Variants in KCNQ3 observed in about 807,000 individuals in gnomAD.
KCNQ3 encodes the protein potassium voltage-gated channel subfamily KQT member 3.
Under a neutral mutation model 92.5 loss-of-function variants are expected in KCNQ3, and 30 were observed. That is an observed-to-expected ratio of 0.32 (90% CI 0.24 to 0.44). The LOEUF is 0.44. Ranked by LOEUF, KCNQ3 falls within the 20% of genes least tolerant of loss-of-function variation. KCNQ3 has a pLI of 1.00. For missense variants in KCNQ3, 913 were observed against 1,140.3 expected (o/e 0.80, Z 2.87); for synonymous variants, 450 against 468.8 (o/e 0.96, Z 0.52).
intron 1 of KCNQ3, among the ~76,000 whole-genome samples, chr8:132,400,453 C>A (rs2673602): frequency 6.6e-6 from 1 of 152,058 alleles, no homozygotes; most frequent in African/African-American, 2.4e-5. Context: ...CTCAACAGCA[C>A]GGCTGTGAGT....
In KCNQ3 at chr8:132,480,760, C is replaced by A. The variant is rs1822544646; in HGVS notation, c.-228G>T. On this transcript the variant is annotated 5_prime_UTR_variant, in exon 1 of 15. Transcript: ENST00000388996. ...GGGGGTCACATCCCGCGCGGGTCAG[C>A]CGCAGGACCCCGAGGGTCGCGGGCC... 8.8e-6 allele frequency: 2 copies of A among 226,866 alleles called. No individual in the cohort carries two copies. Among genetic ancestry groups the A allele is most frequent in the African/African-American group, 2.4e-5 (1 of 42,348 alleles). The allele number at this position is 226,866 out of a possible 1,614,324, so 14.1% of individuals were successfully genotyped here. A position where few individuals can be genotyped will look rare whatever the true frequency, so the allele number is the denominator to read the frequency against.
intron 1 of KCNQ3, among the ~76,000 whole-genome samples, chr8:132,218,290 A>G (rs1168717989): frequency 6.6e-6 from 1 of 152,218 alleles, no homozygotes; most frequent in East Asian, 1.9e-4. Flanking sequence ...AGCCCACAGG[A>G]TGGATGGCGC....
intron 9 of KCNQ3, among the ~76,000 whole-genome samples, chr8:132,142,059 G>T (rs1825315073): frequency 6.6e-6 from 1 of 152,096 alleles, no homozygotes; most frequent in African/African-American, 2.4e-5. Context: ...TATTCAATCT[G>T]CCACCAGGTT....
intron 10 of KCNQ3, 36 bp from the exon 11 acceptor site, chr8:132,140,214 A>T (rs1162564937): frequency 1.3e-6 from 2 of 1,530,778 alleles, no homozygotes; most frequent in Non-Finnish European, 1.8e-6. Context: ...GGCAGGCCAC[A>T]GACCTGGAAA....
chr8:132,433,036 TATC>T (rs1199308766), intron 1 of KCNQ3, among the ~76,000 whole-genome samples: 2 of 152,208 alleles, frequency 1.3e-5, no homozygotes, highest in African/African-American at 2.4e-5. Context: ...CATTCTGAGT[TATC>T]ATAATTATTG....
At chr8:132,264,568 A>G (rs966619217) in intron 1 of KCNQ3, among the ~76,000 whole-genome samples, 1 of 152,226 alleles carries the variant, frequency 6.6e-6, no homozygotes, top group Admixed American at 6.5e-5. Flanking sequence ...CTTGAAATCC[A>G]TATCAGAATC....
intron 9 of KCNQ3, among the ~76,000 whole-genome samples, chr8:132,159,438 C>T (rs1417760183): frequency 1.3e-5 from 2 of 152,180 alleles, no homozygotes; most frequent in African/African-American, 2.4e-5. Flanking sequence ...TGGTCCAGAG[C>T]TTAGACAGTA....
At chr8:132,414,603 G>C (rs1820744625) in intron 1 of KCNQ3, among the ~76,000 whole-genome samples, 1 of 152,212 alleles carries the variant, frequency 6.6e-6, no homozygotes, top group Non-Finnish European at 1.5e-5. Context: ...GGGGAGGAAG[G>C]GGAATGAGGG....
chr8:132,297,724 T>C (rs1396729673), intron 1 of KCNQ3, among the ~76,000 whole-genome samples: 2 of 34,504 alleles, frequency 5.8e-5, no homozygotes, highest in East Asian at 8.8e-3. Flanking sequence ...AAGTCCACTG[T>C]GGATCTGAGC....
intron 2 of KCNQ3, 118 bp from the exon 3 acceptor site, chr8:132,184,485 TTGGCAGGGA>T: frequency 1.7e-6 from 2 of 1,179,800 alleles, no homozygotes; most frequent in East Asian, 2.6e-5. Flanking sequence ...GGTTGTCTGG[TTGGCAGGGA>T]TGGCTGGGGA....
chr8:132,231,785 T>A (rs1234241921), intron 1 of KCNQ3, among the ~76,000 whole-genome samples: 2 of 152,242 alleles, frequency 1.3e-5, no homozygotes, highest in Non-Finnish European at 2.9e-5. Flanking sequence ...CTAAGCCACA[T>A]TCATGCTTTG....
intron 9 of KCNQ3, among the ~76,000 whole-genome samples, chr8:132,156,602 A>G (rs1021590621): frequency 3.3e-5 from 5 of 152,070 alleles, no homozygotes; most frequent in Admixed American, 1.3e-4. Context: ...TACAATCTAA[A>G]TCTTTCATAA....
chr8:132,204,603 T>C (rs552640774), intron 1 of KCNQ3, among the ~76,000 whole-genome samples: 1 of 152,164 alleles, frequency 6.6e-6, no homozygotes, highest in East Asian at 1.9e-4. Context: ...CCACCCTTCA[T>C]ACACACAGAG....
At chr8:132,332,663 A>G (rs1372543846) in intron 1 of KCNQ3, among the ~76,000 whole-genome samples, 1 of 152,170 alleles carries the variant, frequency 6.6e-6, no homozygotes, top group Non-Finnish European at 1.5e-5. Context: ...CAATATCCCA[A>G]TTATGTTCCC....
chr8:132,304,986 A>C (rs888787016), intron 1 of KCNQ3, among the ~76,000 whole-genome samples: 14 of 152,134 alleles, frequency 9.2e-5, no homozygotes, highest in African/African-American at 3.4e-4. Context: ...AGGCAGGCCA[A>C]TAAGTGTGCT....
intron 1 of KCNQ3, among the ~76,000 whole-genome samples, chr8:132,272,128 C>A (rs1238172713): frequency 1.3e-5 from 2 of 152,218 alleles, no homozygotes; most frequent in Non-Finnish European, 2.9e-5. Context: ...TGATGCTTAA[C>A]CTCTCTGAGC....
At chr8:132,221,736 G>C (rs139556619) in intron 1 of KCNQ3, among the ~76,000 whole-genome samples, 7,412 of 152,172 alleles carry the variant, frequency 0.049, 608 homozygotes, top group African/African-American at 0.17. Flanking sequence ...CAATGGAACA[G>C]AACAGAGGCC....
chr8:132,303,653 T>TATA, intron 1 of KCNQ3, among the ~76,000 whole-genome samples: 1 of 40,516 alleles, frequency 2.5e-5, no homozygotes, highest in Non-Finnish European at 3.8e-5. Context: ...ATATATATAT[T>TATA]TATGGTGTGT....
intron 1 of KCNQ3, among the ~76,000 whole-genome samples, chr8:132,346,326 CT>C (rs1818688510): frequency 6.6e-6 from 1 of 152,194 alleles, no homozygotes; most frequent in Admixed American, 6.5e-5. Context: ...TTTTCTCTGG[CT>C]ACATTTCTTC....
Sources: allele counts gnomAD v4.1 joint callset (sites outside exome capture counted in the v4.1 genomes callset), GRCh38; gene constraint gnomAD v4.1.1; transcripts MANE v1.5; gene names NCBI Gene and HGNC (gene_info 2026-07-23, HGNC 2026-07-21).